Variants in RBFOX1 observed in about 807,000 individuals in gnomAD.
RBFOX1 encodes RNA binding fox-1 homolog 1.
In RBFOX1, 8 loss-of-function variants were observed where a neutral mutation model predicts 57.7. The ratio of observed to expected loss-of-function variants is 0.14; its 90% CI spans 0.08 to 0.25. The LOEUF (loss-of-function observed/expected upper bound fraction) is 0.25, where lower values mean the gene tolerates loss of function less well. RBFOX1 is among the 10% of genes least tolerant of loss of function. The probability of loss-of-function intolerance (pLI) is 1.00; values close to 1 mark genes in which losing one functional copy is unlikely to be tolerated. For synonymous variants in RBFOX1, 326 were observed against 222.4 expected (o/e 1.47, Z -4.15); for missense variants, 611 against 548.5 (o/e 1.11, Z -1.14).
intron 2 of RBFOX1, among the ~76,000 whole-genome samples, chr16:6,574,779 C>T (rs912359111): frequency 6.7e-6 from 1 of 148,524 alleles, no homozygotes; most frequent in Non-Finnish European, 1.5e-5. Context: ...TGGCTCACGC[C>T]TGTAATCCCA....
At chr16:5,256,828 G>A (rs1041878762) in intron 1 of RBFOX1, among the ~76,000 whole-genome samples, 6 of 152,074 alleles carry the variant, frequency 3.9e-5, no homozygotes, top group African/African-American at 9.7e-5. Context: ...CAACTACTCG[G>A]GAGGCTGAGG....
chr16:6,664,961 T>C (rs1408635234), intron 3 of RBFOX1, among the ~76,000 whole-genome samples: 1 of 152,196 alleles, frequency 6.6e-6, no homozygotes, highest in Non-Finnish European at 1.5e-5. Context: ...AAATCATGCA[T>C]CCCATGCACT....
At chr16:5,853,900 C>T (rs2056959472) in intron 3 of RBFOX1, among the ~76,000 whole-genome samples, 1 of 152,178 alleles carries the variant, frequency 6.6e-6, no homozygotes, top group Non-Finnish European at 1.5e-5. Context: ...GCTGAAATTG[C>T]AGGCATGTGC....
chr16:7,218,512 G>A (rs981473647), intron 4 of RBFOX1, among the ~76,000 whole-genome samples: 2 of 152,050 alleles, frequency 1.3e-5, no homozygotes, highest in African/African-American at 4.8e-5. Flanking sequence ...ACAGTAACTA[G>A]GTGTCACTCT....
intron 3 of RBFOX1, among the ~76,000 whole-genome samples, chr16:6,701,166 G>A (rs765906721): frequency 6.7e-6 from 1 of 150,316 alleles, no homozygotes; most frequent in Admixed American, 6.6e-5. Flanking sequence ...TGTTTGTCTT[G>A]GGCTGAAATG....
At chr16:5,603,125 C>T (rs1201558794), downstream of RBFOX1, among the ~76,000 whole-genome samples, 1 of 152,212 alleles carries the variant, frequency 6.6e-6, no homozygotes, top group African/African-American at 2.4e-5. Flanking sequence ...TTTTTCTGAC[C>T]TCCACCTGTC....
At chr16:6,327,076 C>G (rs1049941762) in intron 2 of RBFOX1, among the ~76,000 whole-genome samples, 4 of 152,154 alleles carry the variant, frequency 2.6e-5, no homozygotes, top group Non-Finnish European at 5.9e-5. Flanking sequence ...CTGAATGGCT[C>G]TAACATGCAC....
chr16:5,259,364 A>G (rs1200599013), intron 1 of RBFOX1, among the ~76,000 whole-genome samples: 1 of 152,206 alleles, frequency 6.6e-6, no homozygotes, highest in African/African-American at 2.4e-5. Flanking sequence ...AGCTGATCTC[A>G]TGCAGCCAGC....
intron 3 of RBFOX1, among the ~76,000 whole-genome samples, chr16:5,754,343 G>C (rs914159540): frequency 1.3e-5 from 2 of 152,242 alleles, no homozygotes; most frequent in Non-Finnish European, 2.9e-5. Context: ...GTTCATGTTC[G>C]CTCCTATTGT....
chr16:5,549,598 G>A (rs12149488), intron 2 of RBFOX1, among the ~76,000 whole-genome samples: 7,259 of 152,244 alleles, frequency 0.048, 187 homozygotes, highest in East Asian at 0.1. Context: ...ATGCAGAATT[G>A]CACAGTAAAA....
At position 6,913,560 on chromosome 16, in the gene RBFOX1, C is replaced by G. The variant is rs756355872; in HGVS notation, c.-15-138497C>G. On this transcript the variant is annotated intron_variant, in intron 3 of 15. Transcript: ENST00000550418. The stretch of plus-strand genomic sequence containing the variant: ...GCCCAGTGCCTGGTGTTCAGGGTGT[C>G]TTTTGAAGGAGAAGTTATAAGTCGG... Among the ~76,000 whole-genome samples, 141 of 152,286 alleles carry G rather than the reference C, an allele frequency of 9.3e-4. 1 individual carries two copies. Among genetic ancestry groups the G allele is most frequent in the Non-Finnish European group, 1.0e-3 (69 of 68,026 alleles).
At chr16:6,818,885 C>G (rs151138037) in intron 3 of RBFOX1, among the ~76,000 whole-genome samples, 121 of 152,292 alleles carry the variant, frequency 7.9e-4, no homozygotes, top group Admixed American at 1.4e-3. Flanking sequence ...ACATGGAATT[C>G]TTTGGAAAGA....
chr16:7,606,164 T>C (rs927557434), intron 9 of RBFOX1, among the ~76,000 whole-genome samples: 2 of 140,942 alleles, frequency 1.4e-5, no homozygotes, highest in African/African-American at 5.2e-5. Flanking sequence ...CACTGTCACC[T>C]GGGCTGGAGT....
chr16:5,875,527 AG>A, intron 4 of RBFOX1, among the ~76,000 whole-genome samples: 1 of 152,354 alleles, frequency 6.6e-6, no homozygotes, highest in East Asian at 1.9e-4. Context: ...AGCTTACAGA[AG>A]GCAATAAGCA....
intron 4 of RBFOX1, chr16:7,510,222 T>A: frequency 2.0e-6 from 2 of 985,878 alleles, no homozygotes; most frequent in Non-Finnish European, 2.4e-6. Context: ...TCGCTCGTAA[T>A]TGAGGCGTGC....
intron 3 of RBFOX1, among the ~76,000 whole-genome samples, chr16:5,798,718 T>C (rs1360296415): frequency 6.6e-6 from 1 of 152,224 alleles, no homozygotes; most frequent in African/African-American, 2.4e-5. Flanking sequence ...TGCTACTCGT[T>C]CCACTTTGTT....
At chr16:5,367,122 A>G (rs1409988369) in intron 1 of RBFOX1, among the ~76,000 whole-genome samples, 1 of 146,156 alleles carries the variant, frequency 6.8e-6, no homozygotes, top group African/African-American at 2.8e-5. Flanking sequence ...ATTTGAAAAC[A>G]ACTTAAATTT....
chr16:5,391,499 G>C (rs141872653), intron 1 of RBFOX1, among the ~76,000 whole-genome samples: 1 of 152,218 alleles, frequency 6.6e-6, no homozygotes, highest in Admixed American at 6.5e-5. Context: ...CCAGATAACC[G>C]AGGAGAATCT....
intron 3 of RBFOX1, among the ~76,000 whole-genome samples, chr16:6,870,594 T>A (rs568584568): frequency 6.6e-6 from 1 of 152,222 alleles, no homozygotes; most frequent in Non-Finnish European, 1.5e-5. Flanking sequence ...ACTGTTACAT[T>A]GTAGCTTTGC....
Sources: allele counts gnomAD v4.1 joint callset (sites outside exome capture counted in the v4.1 genomes callset), GRCh38; gene constraint gnomAD v4.1.1; transcripts MANE v1.5; gene names NCBI Gene and HGNC (gene_info 2026-07-23, HGNC 2026-07-21).